ARHGEF2: variants seen among roughly 807,000 people sequenced by gnomAD.
ARHGEF2 encodes Rho/Rac guanine nucleotide exchange factor 2.
A neutral mutation model predicts 121.0 loss-of-function variants in ARHGEF2; 22 were observed. The ratio of observed to expected loss-of-function variants is 0.18; its 90% CI spans 0.13 to 0.26. The LOEUF (loss-of-function observed/expected upper bound fraction) is 0.26. Among genes scored for constraint, ARHGEF2 ranks in the 10% least tolerant of loss-of-function variants. ARHGEF2 has a pLI of 1.00. For synonymous variants in ARHGEF2, 487 were observed against 530.0 expected (o/e 0.92, Z 1.11); for missense variants, 907 against 1,336.0 (o/e 0.68, Z 5.01).
rs142910354 is a variant in ARHGEF2 at position 155,950,345 on chromosome 1, G to A, written c.2841C>T (p.Ser947=). 9.1e-5 allele frequency: 147 copies of A among 1,613,592 alleles called. No individual in the cohort carries two copies. Among genetic ancestry groups the A allele is most frequent in the Non-Finnish European group, 1.2e-4 (140 of 1,180,032 alleles). The change falls in exon 21 of 22, where the codon AGC becomes AGT. Residue 947 remains serine, a synonymous_variant. Coordinates refer to ENST00000361247, the MANE Select transcript of ARHGEF2 (RefSeq NM_001162383.2). The surrounding 1 kb of genome is among the most constrained non-coding windows in gnomAD (Gnocchi z 5.2). The part of the protein sequence containing the change: ...LQDSSDPDTG[S]EEEGSSRLSP... ...ACAGACGGCTGCTACCTTCCTCCTC[G>A]CTGCCAGTGTCAGGGTCACTGCTGT...
Position 155,962,722 on chromosome 1 carries a change from G to C in ARHGEF2, c.976-4C>G. ...GCTCCGCACTAGGACCTGAGAACTA[G>C]AAGTTGGTCGAGTAAGGTTAGGTCA... On this transcript the variant is annotated splice_polypyrimidine_tract_variant and splice_region_variant and intron_variant, in intron 8 of 21. Transcript: ENST00000361247. The surrounding 1 kb of genome is among the most constrained non-coding windows in gnomAD (Gnocchi z 5.8). 6.2e-7 allele frequency: 1 copy of C among 1,614,142 alleles called. No individual in the cohort carries two copies. Among genetic ancestry groups the C allele is most frequent in the South Asian group, 1.1e-5 (1 of 91,082 alleles).
chr1:155,961,173 TAAAG>T lies in ARHGEF2; in HGVS notation c.1468+484_1468+487del, dbSNP rs1440179385. On this transcript the variant is annotated intron_variant, in intron 11 of 21. Coordinates refer to ENST00000361247, the MANE Select transcript of ARHGEF2 (RefSeq NM_001162383.2). This position sits in a 1 kb window ranked among gnomAD's most constrained non-coding sequence, Gnocchi z 4.7. ...GATAGGGAAGGCCCTGTATGGTCCA[TAAAG>T]TTAACTGCAGAATTCAGGCTTTTCT... Among the ~76,000 whole-genome samples the T allele has an allele frequency of 6.6e-6, 1 of 152,114 alleles. No homozygotes were observed. Among genetic ancestry groups the T allele is most frequent in the Non-Finnish European group, 1.5e-5 (1 of 68,044 alleles).
Position 155,947,902 on chromosome 1 carries a change from T to C in ARHGEF2, c.*40A>G. On this transcript the variant is annotated 3_prime_UTR_variant, in exon 22 of 22. Transcript: ENST00000361247. The stretch of plus-strand genomic sequence containing the variant: ...TCCCCAAGGTTAGCCCCCTCAGTAA[T>C]GTTCTTCAGTGGGGCACGGGGCAGG... 1 of 1,302,106 alleles carries C rather than the reference T, an allele frequency of 7.7e-7. No individual in the cohort carries two copies. Among genetic ancestry groups the C allele is most frequent in the Non-Finnish European group, 1.1e-6 (1 of 927,462 alleles). The allele number at this position is 1,302,106 out of a possible 1,614,324, so 80.7% of individuals were successfully genotyped here.
At position 155,951,412 on chromosome 1, in the gene ARHGEF2, C is replaced by A; in HGVS notation, c.2259+71G>T. On this transcript the variant is annotated intron_variant, in intron 19 of 21. Transcript: ENST00000361247. This position sits in a 1 kb window ranked among gnomAD's most constrained non-coding sequence, Gnocchi z 5.1. ...ATTTAGAAAGGCCTGTTGGGATGAC[C>A]ATGCCCCACCTAAACAGGCATCTCT... is the stretch of plus-strand genomic sequence containing the variant. 6.3e-7 allele frequency: 1 copy of A among 1,599,594 alleles called. No homozygotes were observed. Among genetic ancestry groups the A allele is most frequent in the Non-Finnish European group, 8.6e-7 (1 of 1,167,322 alleles).
At chr1:155,967,886 C>T (rs575069694) in intron 2 of ARHGEF2, among the ~76,000 whole-genome samples, 3 of 152,262 alleles carry the variant, frequency 2.0e-5, no homozygotes, top group Admixed American at 1.3e-4. Flanking sequence ...CCCAGCACCA[C>T]GCTCACTTCC....
chr1:155,972,982 G>A (rs1680729534), intron 1 of ARHGEF2, among the ~76,000 whole-genome samples: 1 of 152,134 alleles, frequency 6.6e-6, no homozygotes, highest in East Asian at 1.9e-4. Flanking sequence ...TAGAATTATA[G>A]GTGTGAGCCA....
chr1:155,956,857 GA>G (rs1200942623), intron 13 of ARHGEF2, among the ~76,000 whole-genome samples: 1 of 139,830 alleles, frequency 7.2e-6, no homozygotes, highest in African/African-American at 2.6e-5. Context: ...TCAGGAGGCT[GA>G]GGCAGCCCGG....
At chr1:155,948,107 G>T in intron 21 of ARHGEF2, 92 bp from the exon 22 acceptor site, 6 of 989,122 alleles carry the variant, frequency 6.1e-6, no homozygotes, top group Non-Finnish European at 9.0e-6. Flanking sequence ...TGCAGGCTCA[G>T]GGGGCTCTGG....
intron 21 of ARHGEF2, among the ~76,000 whole-genome samples, chr1:155,948,298 A>C (rs1343056580): frequency 6.6e-6 from 1 of 152,238 alleles, no homozygotes; most frequent in Admixed American, 6.5e-5. Flanking sequence ...TTTTTATTTC[A>C]TGAACCAACT....
intron 14 of ARHGEF2, among the ~76,000 whole-genome samples, chr1:155,953,746 C>CAAAAAAAAAAAAAA (rs926082849): frequency 1.3e-4 from 6 of 45,164 alleles, no homozygotes; most frequent in Admixed American, 2.4e-4. Context: ...GACCCTGTCT[C>CAAAAAAAAAAAAAA]AAAAAAAAAA....
In ARHGEF2 at chr1:155,961,899, C is replaced by A; in HGVS notation, c.1230G>T (p.Glu410Asp). The change falls in exon 11 of 22, where the codon GAG becomes GAT. Residue 410 changes from glutamate to aspartate, a missense_variant. Transcript: ENST00000361247. This position sits in a 1 kb window ranked among gnomAD's most constrained non-coding sequence, Gnocchi z 4.7. ...RILQHSHGIEEERQDLTTALG... is the reference protein window; with the variant it reads ...RILQHSHGIEDERQDLTTALG... The stretch of plus-strand genomic sequence containing the variant: ...GTGCTGTGGTCAGGTCCTGGCGCTC[C>A]TCCTCGATCCCTGGCACCGGGGGTT... 1 of 1,613,886 alleles carries A rather than the reference C, an allele frequency of 6.2e-7. No individual in the cohort carries two copies. The highest frequency in any genetic ancestry group is 8.5e-7 in the Non-Finnish European group (1 of 1,179,818).
In ARHGEF2 at chr1:155,965,808, C is replaced by T; in HGVS notation, c.341-48G>A. ...AGGCAAACATCAGACTCTGGTGCTTCCCAGGATTGAGGCCTCCTAGGCTCC... is the reference window on the plus strand; with the variant it reads ...AGGCAAACATCAGACTCTGGTGCTTTCCAGGATTGAGGCCTCCTAGGCTCC... On this transcript the variant is annotated intron_variant, in intron 4 of 21. Coordinates refer to ENST00000361247, the MANE Select transcript of ARHGEF2 (RefSeq NM_001162383.2). This position sits in a 1 kb window ranked among gnomAD's most constrained non-coding sequence, Gnocchi z 6.0. 3 of 1,553,348 alleles carry T rather than the reference C, an allele frequency of 1.9e-6. No individual in the cohort carries two copies. The highest frequency in any genetic ancestry group is 2.6e-6 in the Non-Finnish European group (3 of 1,160,928).
chr1:155,979,142 G>A (rs1681878956), upstream of ARHGEF2: 3 of 985,486 alleles, frequency 3.0e-6, no homozygotes, highest in Non-Finnish European at 3.6e-6. Context: ...AGAGGTCGAA[G>A]AACAGAGAGG....
Position 155,951,797 on chromosome 1 carries a change from G to A in ARHGEF2, c.2173-21C>T. The A allele has an allele frequency of 3.7e-6, 6 of 1,613,710 alleles. No individual in the cohort carries two copies. Among genetic ancestry groups the A allele is most frequent in the South Asian group, 2.2e-5 (2 of 91,064 alleles). On this transcript the variant is annotated intron_variant, in intron 17 of 21. Transcript: ENST00000361247. The surrounding 1 kb of genome is among the most constrained non-coding windows in gnomAD (Gnocchi z 5.1). ...CGATCCTGCAGAAATGGGCAAGAATGGGGAGTCAGCAGGCACACAAATCCT... is the reference window on the plus strand; with the variant it reads ...CGATCCTGCAGAAATGGGCAAGAATAGGGAGTCAGCAGGCACACAAATCCT...
chr1:155,975,380 C>G (rs544318452), intron 1 of ARHGEF2, among the ~76,000 whole-genome samples: 1 of 152,130 alleles, frequency 6.6e-6, no homozygotes, highest in Non-Finnish European at 1.5e-5. Context: ...CTCCTCTGGT[C>G]GGCCTCAGTA....
chr1:155,970,904 C>G (rs1268806248), intron 1 of ARHGEF2: 1 of 986,242 alleles, frequency 1.0e-6, no homozygotes, highest in Non-Finnish European at 1.2e-6. Flanking sequence ...ATCCCTTCTC[C>G]CCTCATGCAT....
At chr1:155,972,742 CCTGGA>C (rs1680690189) in intron 1 of ARHGEF2, among the ~76,000 whole-genome samples, 1 of 150,966 alleles carries the variant, frequency 6.6e-6, no homozygotes. Flanking sequence ...CACTCTGTTG[CCTGGA>C]CTGGAGTACA....
upstream of ARHGEF2, chr1:155,978,694 G>A: frequency 1.1e-6 from 1 of 936,588 alleles, no homozygotes; most frequent in Non-Finnish European, 1.4e-6. This position sits in a 1 kb window ranked among gnomAD's most constrained non-coding sequence, Gnocchi z 4.1. Flanking sequence ...AGCTCGGAGA[G>A]GTACGAGGGT....
intron 11 of ARHGEF2, 110 bp from the exon 12 acceptor site, chr1:155,958,506 C>G: frequency 1.3e-6 from 1 of 797,052 alleles, no homozygotes; most frequent in Non-Finnish European, 2.1e-6. Context: ...TCCCAGTTTC[C>G]CTCTTCCTGG....
Sources: gnomAD v4.1 joint callset for allele counts (sites outside exome capture counted in the v4.1 genomes callset) on GRCh38, gnomAD v4.1.1 for gene constraint, Gnocchi (gnomAD v3.1) non-coding constraint, MANE v1.5 for transcripts, NCBI Gene and HGNC (gene_info 2026-07-23, HGNC 2026-07-21) for gene names.